The following ENTREP2 variants were observed in gnomAD, a reference collection of about 807,000 sequenced individuals.
The protein encoded by ENTREP2 is protein ENTREP2.
the ENTREP2 span, among the ~76,000 whole-genome samples, chr15:29,598,058 G>A: frequency 6.6e-6 from 1 of 152,134 alleles, no homozygotes; most frequent in Non-Finnish European, 1.5e-5. Context: ...GGGAGGCAGA[G>A]GTTGCAGTGA....
chr15:29,612,998 C>G, the ENTREP2 span, among the ~76,000 whole-genome samples: 7 of 152,174 alleles, frequency 4.6e-5, no homozygotes, highest in African/African-American at 1.7e-4. Flanking sequence ...ATGCTACGAC[C>G]TGAATTTCCT....
the ENTREP2 span, among the ~76,000 whole-genome samples, chr15:29,369,761 C>T: frequency 6.6e-6 from 1 of 152,150 alleles, no homozygotes; most frequent in South Asian, 2.1e-4. Flanking sequence ...ATTTAATTGC[C>T]AATGCAACAG....
At chr15:29,261,346 C>G in the ENTREP2 span, among the ~76,000 whole-genome samples, 993 of 152,298 alleles carry the variant, frequency 6.5e-3, 15 homozygotes, top group African/African-American at 0.023. Flanking sequence ...CCACTGCATT[C>G]TAGCCTGGGC....
At chr15:29,164,964 A>G in the ENTREP2 span, among the ~76,000 whole-genome samples, 1 of 152,204 alleles carries the variant, frequency 6.6e-6, no homozygotes, top group South Asian at 2.1e-4. Context: ...AGAAAATTGA[A>G]ATTATATCAA....
the ENTREP2 span, among the ~76,000 whole-genome samples, chr15:29,306,187 G>A: frequency 6.6e-6 from 1 of 152,260 alleles, no homozygotes; most frequent in Non-Finnish European, 1.5e-5. Context: ...GGTACAGGCT[G>A]ACTGTGGGAG....
At chr15:29,398,068 A>G in the ENTREP2 span, among the ~76,000 whole-genome samples, 1 of 150,864 alleles carries the variant, frequency 6.6e-6, no homozygotes, top group African/African-American at 2.4e-5. Context: ...TCCCCTCACA[A>G]AGCAGGTTCT....
At chr15:29,423,722 T>G in the ENTREP2 span, among the ~76,000 whole-genome samples, 3 of 151,806 alleles carry the variant, frequency 2.0e-5, no homozygotes, top group African/African-American at 7.3e-5. Flanking sequence ...GGCGTGAACC[T>G]GGGAGGCGGA....
chr15:29,125,087 C>T, the ENTREP2 span, among the ~76,000 whole-genome samples: 2 of 152,180 alleles, frequency 1.3e-5, no homozygotes, highest in South Asian at 2.1e-4. Flanking sequence ...GCGGCGTGCA[C>T]ATCAGCCTAG....
chr15:29,649,587 G>A, the ENTREP2 span, among the ~76,000 whole-genome samples: 1 of 151,996 alleles, frequency 6.6e-6, no homozygotes, highest in South Asian at 2.1e-4. Flanking sequence ...CAGGCGTGGT[G>A]ATGTGTGCCT....
the ENTREP2 span, among the ~76,000 whole-genome samples, chr15:29,516,832 C>A: frequency 8.0e-4 from 122 of 151,904 alleles, 1 homozygote; most frequent in African/African-American, 2.7e-3. Context: ...TATCCCTGGG[C>A]GGGCAGCACA....
the ENTREP2 span, among the ~76,000 whole-genome samples, chr15:29,169,441 T>C: frequency 3.3e-3 from 496 of 152,248 alleles, no homozygotes; most frequent in Middle Eastern, 0.014. Flanking sequence ...CCACATTACT[T>C]GTGTTGGGAT....
chr15:29,473,338 T>C, the ENTREP2 span, among the ~76,000 whole-genome samples: 10 of 151,948 alleles, frequency 6.6e-5, no homozygotes, highest in African/African-American at 1.5e-4. Context: ...TCTCTTTTCC[T>C]GGAAAACCAT....
At chr15:29,316,410 C>T in the ENTREP2 span, among the ~76,000 whole-genome samples, 6,158 of 152,134 alleles carry the variant, frequency 0.04, 406 homozygotes, top group African/African-American at 0.14. Context: ...AACAGGCACA[C>T]AGAAATTTGA....
At chr15:29,642,481 A>ACATATATACATATATACACATATATAT in the ENTREP2 span, among the ~76,000 whole-genome samples, 66 of 135,102 alleles carry the variant, frequency 4.9e-4, no homozygotes, top group Non-Finnish European at 8.8e-4. Flanking sequence ...CTGTATATAC[A>ACATATATACATATATACACATATATAT]CATATATACA....
the ENTREP2 span, among the ~76,000 whole-genome samples, chr15:29,129,712 G>T: frequency 6.6e-6 from 1 of 152,120 alleles, no homozygotes; most frequent in Non-Finnish European, 1.5e-5. Context: ...TAAGGGGAAG[G>T]CTATACCTCC....
At chr15:29,226,083 C>T in the ENTREP2 span, among the ~76,000 whole-genome samples, 1 of 152,234 alleles carries the variant, frequency 6.6e-6, no homozygotes, top group South Asian at 2.1e-4. Flanking sequence ...GTCTCCAGGA[C>T]TTGTCTTGAC....
the ENTREP2 span, among the ~76,000 whole-genome samples, chr15:29,144,451 G>A: frequency 6.6e-5 from 10 of 152,238 alleles, no homozygotes; most frequent in South Asian, 4.1e-4. Flanking sequence ...AAGAAGGGCC[G>A]CGCATGGTAG....
chr15:29,387,944 C>T, the ENTREP2 span, among the ~76,000 whole-genome samples: 1 of 152,150 alleles, frequency 6.6e-6, no homozygotes, highest in South Asian at 2.1e-4. Flanking sequence ...GGATCCCTTC[C>T]TTATACCTTA....
the ENTREP2 span, among the ~76,000 whole-genome samples, chr15:29,487,553 G>A: frequency 6.6e-6 from 1 of 152,196 alleles, no homozygotes; most frequent in Non-Finnish European, 1.5e-5. Context: ...CAACTAAACA[G>A]AGACTTCAGA....
Sources: allele counts gnomAD v4.1 joint callset (sites outside exome capture counted in the v4.1 genomes callset), GRCh38; gene constraint gnomAD v4.1.1; transcripts MANE v1.5; gene names NCBI Gene and HGNC (gene_info 2026-07-23, HGNC 2026-07-21).